Variants in KIF3A observed in about 807,000 individuals in gnomAD.
The protein encoded by KIF3A is kinesin-like protein KIF3A.
A neutral mutation model predicts 92.6 loss-of-function variants in KIF3A; 27 were observed. The observed-to-expected ratio is 0.29, with a 90% confidence interval of 0.21 to 0.40. The LOEUF (loss-of-function observed/expected upper bound fraction) is 0.40. Among genes scored for constraint, KIF3A ranks in the 10% least tolerant of loss-of-function variants. The probability of loss-of-function intolerance (pLI) is 1.00; values close to 1 mark genes in which losing one functional copy is unlikely to be tolerated. For missense variants in KIF3A, 581 were observed against 872.6 expected (o/e 0.67, Z 4.21); for synonymous variants, 250 against 275.4 (o/e 0.91, Z 0.92).
intron 14 of KIF3A, 69 bp from the exon 15 acceptor site, chr5:132,702,281 T>C (rs937821386): frequency 1.3e-5 from 19 of 1,486,366 alleles, no homozygotes; most frequent in African/African-American, 4.2e-5. Context: ...CCATCTCACA[T>C]AGGATGCTTG....
downstream of KIF3A, chr5:132,689,704 T>G (rs1436905051): frequency 4.6e-5 from 7 of 152,164 alleles, no homozygotes; most frequent in Non-Finnish European, 1.0e-4. Flanking sequence ...TGGTATCGCT[T>G]GATGAAACTG....
rs1752791318 is a variant in KIF3A, at chr5:132,695,173, T to C, written c.*1461A>G. The C allele has an allele frequency of 6.6e-6, 1 of 152,130 alleles. No individual in the cohort carries two copies. Among genetic ancestry groups the C allele is most frequent in the Non-Finnish European group, 1.5e-5 (1 of 68,006 alleles). The allele number at this position is 152,130 out of a possible 1,614,324, so 9.4% of individuals were successfully genotyped here. ...TAGGAGTAGCATAACTTTATTTTTA[T>C]TTTATTTTTATTTTTTGAGGTGGAG... On this transcript the variant is annotated 3_prime_UTR_variant, in exon 19 of 19. Transcript: ENST00000403231.
chr5:132,721,864 C>T (rs528573127), intron 4 of KIF3A, among the ~76,000 whole-genome samples: 13 of 152,214 alleles, frequency 8.5e-5, no homozygotes, highest in Non-Finnish European at 1.6e-4. Context: ...AAGAGAAGGG[C>T]GCTTTCATGA....
intron 4 of KIF3A, among the ~76,000 whole-genome samples, chr5:132,722,765 A>G (rs942791414): frequency 7.2e-5 from 11 of 152,202 alleles, no homozygotes; most frequent in Non-Finnish European, 1.2e-4. Context: ...AGAGCTAGTC[A>G]CTATTGTAAA....
At chr5:132,702,523 A>T in intron 14 of KIF3A, 35 bp downstream of exon 14, 1 of 1,221,464 alleles carries the variant, frequency 8.2e-7, no homozygotes, top group Non-Finnish European at 1.2e-6. Flanking sequence ...AAAAATCCAG[A>T]ACTGCATTAG....
rs1491109976 is a variant in KIF3A, at chr5:132,724,791, A to AT, written c.510+1336dup. ...CATGTACCCTAGAACTTAAAGTATA[A>AT]TAAAAAAAAAAAAAAATATATATAT... On this transcript the variant is annotated intron_variant, in intron 4 of 18. Transcript: ENST00000403231. 6.4e-3 allele frequency among the ~76,000 whole-genome samples: 229 copies of AT among 35,892 alleles called. 3 individuals are homozygous for AT. The highest frequency in any genetic ancestry group is 8.6e-3 in the Non-Finnish European group (187 of 21,736). The allele number at this position is 35,892 out of a possible 152,430, so 23.5% of individuals were successfully genotyped here. A position where few individuals can be genotyped will look rare whatever the true frequency, so the allele number is the denominator to read the frequency against.
chr5:132,737,525 G>A lies in KIF3A; in HGVS notation c.-106C>T, dbSNP rs1754447295. On this transcript the variant is annotated 5_prime_UTR_variant, in exon 1 of 19. Transcript: ENST00000403231. ...GAGACTACCGAAACACCTCGTTGAC[G>A]CTCTCGAGACTGCGGCTTCTCGGGC... is the stretch of plus-strand genomic sequence containing the variant. The A allele has an allele frequency of 8.9e-6, 12 of 1,345,074 alleles. No individual in the cohort carries two copies. The highest frequency in any genetic ancestry group is 8.9e-5 in the Admixed American group (4 of 45,102). 83.3% of individuals were successfully genotyped at this position (1,345,074 alleles called of 1,614,324 possible).
At chr5:132,714,755 C>CTGTGTACTGTAACAGTACTG (rs1753559979) in intron 8 of KIF3A, among the ~76,000 whole-genome samples, 2 of 152,156 alleles carry the variant, frequency 1.3e-5, no homozygotes, top group South Asian at 4.1e-4. Flanking sequence ...GTACACTTAA[C>CTGTGTACTGTAACAGTACTG]TAACAATGGT....
chr5:132,706,564 T>C lies in KIF3A; in HGVS notation c.1301-105A>G, dbSNP rs892533504. 29 of 821,688 alleles carry C rather than the reference T, an allele frequency of 3.5e-5. No homozygotes were observed. In the African/African-American group the frequency reaches 5.1e-4, roughly 14 times the overall value. 50.9% of individuals were successfully genotyped at this position (821,688 alleles called of 1,614,324 possible). A position where few individuals can be genotyped will look rare whatever the true frequency, so the allele number is the denominator to read the frequency against. On this transcript the variant is annotated intron_variant, in intron 10 of 18. Coordinates refer to ENST00000403231, the MANE Select transcript of KIF3A (RefSeq NM_001300791.2). ...ATTTCTCTTGTGAAACAAAGAAAAATATATAATAGCATTCATTTAAGTGTA... is the reference window on the plus strand; with the variant it reads ...ATTTCTCTTGTGAAACAAAGAAAAACATATAATAGCATTCATTTAAGTGTA...
chr5:132,720,591 A>C lies in KIF3A; in HGVS notation c.616+18T>G, dbSNP rs775386234. The C allele has an allele frequency of 6.6e-7, 1 of 1,521,084 alleles. No individual in the cohort carries two copies. The highest frequency in any genetic ancestry group is 1.2e-5 in the South Asian group (1 of 86,386). The allele number at this position is 1,521,084 out of a possible 1,614,324, so 94.2% of individuals were successfully genotyped here. ...CTCAACACACAGATGCTTAATCACAATTACACACTATACTTACGATTTTTG... is the reference window on the plus strand; with the variant it reads ...CTCAACACACAGATGCTTAATCACACTTACACACTATACTTACGATTTTTG... On this transcript the variant is annotated intron_variant, in intron 5 of 18. Coordinates refer to ENST00000403231, the MANE Select transcript of KIF3A (RefSeq NM_001300791.2).
intron 15 of KIF3A, 94 bp from the exon 16 acceptor site, chr5:132,700,794 TAAA>T (rs939423569): frequency 8.0e-6 from 6 of 753,754 alleles, no homozygotes; most frequent in Non-Finnish European, 1.4e-5. Flanking sequence ...CATTGAGTAA[TAAA>T]AGTCTCAAAA....
At chr5:132,700,013 G>C (rs1249074344) in intron 17 of KIF3A, among the ~76,000 whole-genome samples, 1 of 152,126 alleles carries the variant, frequency 6.6e-6, no homozygotes, top group Non-Finnish European at 1.5e-5. Context: ...GTGGGAATAA[G>C]CCTGACATCA....
chr5:132,712,330 AAAG>A (rs747724319), intron 8 of KIF3A, among the ~76,000 whole-genome samples: 1 of 152,258 alleles, frequency 6.6e-6, no homozygotes, highest in Non-Finnish European at 1.5e-5. Context: ...GCACATGCTG[AAAG>A]AATACAGGAA....
chr5:132,724,313 A>C (rs1171695076), intron 4 of KIF3A, among the ~76,000 whole-genome samples: 5 of 152,302 alleles, frequency 3.3e-5, no homozygotes, highest in South Asian at 2.1e-4. Flanking sequence ...ATCCAAAGGA[A>C]TATAAATCAT....
In KIF3A at chr5:132,716,447, C is replaced by G; in HGVS notation, c.757-5G>C. ...TTTTGCCTGTCTTTCTGAACCCTAG[C>G]AATAAACAGAGATGAAAGTAAAGCT... On this transcript the variant is annotated splice_polypyrimidine_tract_variant and splice_region_variant and intron_variant, in intron 6 of 18. Coordinates refer to ENST00000403231, the MANE Select transcript of KIF3A (RefSeq NM_001300791.2). 1.9e-6 allele frequency: 3 copies of G among 1,607,368 alleles called. No homozygotes were observed. The highest frequency in any genetic ancestry group is 2.5e-6 in the Non-Finnish European group (3 of 1,176,852).
chr5:132,723,399 ATAC>A (rs1193820638), intron 4 of KIF3A: 7 of 152,234 alleles, frequency 4.6e-5, no homozygotes, highest in African/African-American at 1.7e-4. Flanking sequence ...ACTTCAAACT[ATAC>A]TACAAGGCTA....
At chr5:132,722,783 G>A (rs1753868304) in intron 4 of KIF3A, among the ~76,000 whole-genome samples, 1 of 152,144 alleles carries the variant, frequency 6.6e-6, no homozygotes, top group Non-Finnish European at 1.5e-5. Context: ...AAAAGACCAT[G>A]TCATTGGCAA....
At chr5:132,724,799 AAAAAAAAATATATAT>A (rs1753950783) in intron 4 of KIF3A, among the ~76,000 whole-genome samples, 2 of 35,850 alleles carry the variant, frequency 5.6e-5, no homozygotes, top group African/African-American at 2.5e-4. Context: ...TAATAAAAAA[AAAAAAAAATATATAT>A]ATATATATAT....
At chr5:132,721,796 G>A (rs1231756626) in intron 4 of KIF3A, among the ~76,000 whole-genome samples, 1 of 152,092 alleles carries the variant, frequency 6.6e-6, no homozygotes, top group Non-Finnish European at 1.5e-5. Flanking sequence ...AGGGTCCATG[G>A]TGGCACTGAG....
Sources: allele counts gnomAD v4.1 joint callset (sites outside exome capture counted in the v4.1 genomes callset), GRCh38; gene constraint gnomAD v4.1.1; transcripts MANE v1.5; gene names NCBI Gene and HGNC (gene_info 2026-07-23, HGNC 2026-07-21).